AP3B1: variants seen among roughly 807,000 people sequenced by gnomAD.
The protein encoded by AP3B1 is adaptor related protein complex 3 subunit beta 1, also known as AP-3 complex subunit beta-1.
AP3B1 carries 61 observed loss-of-function variants against 132.5 expected under a neutral mutation model. That is an observed-to-expected ratio of 0.46 (90% CI 0.37 to 0.57). AP3B1 has a LOEUF of 0.57. AP3B1 is among the 20% of genes least tolerant of loss of function. The pLI, the probability that AP3B1 is intolerant of heterozygous loss-of-function variation, is 0.00. For missense variants in AP3B1, 1,120 were observed against 1,289.4 expected (o/e 0.87, Z 2.01); for synonymous variants, 388 against 438.3 (o/e 0.89, Z 1.43).
At chr5:78,182,724 T>G (rs1254060906) in intron 7 of AP3B1, among the ~76,000 whole-genome samples, 3 of 152,060 alleles carry the variant, frequency 2.0e-5, no homozygotes, top group African/African-American at 7.2e-5. Context: ...CAACACCAGA[T>G]AAAAAATTAT....
At chr5:78,105,271 A>G (rs1440045789) in intron 20 of AP3B1, among the ~76,000 whole-genome samples, 1 of 105,458 alleles carries the variant, frequency 9.5e-6, no homozygotes, top group Non-Finnish European at 2.5e-5. Context: ...ATAGTGGACT[A>G]ACAACGTAGC....
At chr5:78,278,944 C>A (rs981056279) in intron 1 of AP3B1, among the ~76,000 whole-genome samples, 2 of 152,194 alleles carry the variant, frequency 1.3e-5, no homozygotes, top group East Asian at 1.9e-4. Context: ...ACCCCCACCC[C>A]CTTCCATGGA....
intron 2 of AP3B1, among the ~76,000 whole-genome samples, chr5:78,253,683 T>C (rs1458750802): frequency 1.3e-5 from 2 of 152,106 alleles, no homozygotes; most frequent in Non-Finnish European, 2.9e-5. Flanking sequence ...TTCTATCAGA[T>C]AGGCCAGGCG....
At chr5:78,159,945 T>A (rs1013911677) in intron 13 of AP3B1, among the ~76,000 whole-genome samples, 2 of 152,188 alleles carry the variant, frequency 1.3e-5, no homozygotes, top group African/African-American at 4.8e-5. Flanking sequence ...CTTTAAAAAG[T>A]ACAGTCTACT....
At chr5:78,022,722 G>A (rs934545544) in intron 24 of AP3B1, among the ~76,000 whole-genome samples, 3 of 152,168 alleles carry the variant, frequency 2.0e-5, no homozygotes, top group Non-Finnish European at 4.4e-5. Flanking sequence ...AAACTCCAGT[G>A]GCAGTATGTA....
At chr5:78,221,440 T>C (rs1026376010) in intron 6 of AP3B1, among the ~76,000 whole-genome samples, 1 of 151,982 alleles carries the variant, frequency 6.6e-6, no homozygotes, top group Non-Finnish European at 1.5e-5. Flanking sequence ...ATAGGAAATA[T>C]AAATATAAAT....
At position 78,071,961 on chromosome 5, in the gene AP3B1, A is replaced by C. The variant is rs1035550650; in HGVS notation, c.2577+17432T>G. On this transcript the variant is annotated intron_variant, in intron 22 of 26. Coordinates refer to ENST00000255194, the MANE Select transcript of AP3B1 (RefSeq NM_003664.5). ...CTGAACTGAATGTAAACTTTGATGT[A>C]CTAGTTTATATTTACAAGATATTTT... 3.9e-5 allele frequency among the ~76,000 whole-genome samples: 6 copies of C among 152,340 alleles called. No individual in the cohort carries two copies. In the South Asian group the frequency reaches 1.0e-3, roughly 26 times the overall value.
At chr5:78,224,697 A>G (rs1746331579) in intron 6 of AP3B1, among the ~76,000 whole-genome samples, 1 of 152,046 alleles carries the variant, frequency 6.6e-6, no homozygotes, top group Admixed American at 6.6e-5. Context: ...TAAAAAAGCT[A>G]GAATAGTAGT....
chr5:78,229,291 CA>C (rs1746530783), intron 3 of AP3B1, among the ~76,000 whole-genome samples: 1 of 152,098 alleles, frequency 6.6e-6, no homozygotes, highest in South Asian at 2.1e-4. Flanking sequence ...AAATTATGAA[CA>C]GAAAAAGAAA....
intron 1 of AP3B1, among the ~76,000 whole-genome samples, chr5:78,271,891 GCCCT>G (rs1748559293): frequency 6.6e-6 from 1 of 152,070 alleles, no homozygotes; most frequent in Non-Finnish European, 1.5e-5. Flanking sequence ...TTTTGAACCG[GCCCT>G]GCAAAGCAGC....
At chr5:78,267,638 A>T in intron 1 of AP3B1, 43 bp from the exon 2 acceptor site, 1 of 1,156,814 alleles carries the variant, frequency 8.6e-7, no homozygotes. Flanking sequence ...TTTGATTTTT[A>T]TATTAGATAG....
chr5:78,002,597 GA>G lies in AP3B1; in HGVS notation c.*304del. On this transcript the variant is annotated 3_prime_UTR_variant, in exon 27 of 27. Transcript: ENST00000255194. ...TATCTCATTCATGTCTACCATTGTC[GA>G]AAAAGAGAAGGAAAACGAGGAGGCC... The G allele has an allele frequency of 1.8e-6, 1 of 570,248 alleles. No homozygotes were observed. Among genetic ancestry groups the G allele is most frequent in the Non-Finnish European group, 3.1e-6 (1 of 322,466 alleles). 35.3% of individuals were successfully genotyped at this position (570,248 alleles called of 1,614,324 possible). A position where few individuals can be genotyped will look rare whatever the true frequency, so the allele number is the denominator to read the frequency against.
chr5:78,128,085 T>G lies in AP3B1; in HGVS notation c.1913A>C (p.Asn638Thr). 2 of 1,613,470 alleles carry G rather than the reference T, an allele frequency of 1.2e-6. No individual in the cohort carries two copies. Among genetic ancestry groups the G allele is most frequent in the Non-Finnish European group, 1.7e-6 (2 of 1,179,472 alleles). The change falls in exon 17 of 27, where the codon AAT becomes ACT. Residue 638 changes from asparagine to threonine, a missense_variant. By Grantham distance (65) the Asn-to-Thr change is moderately conservative. Around this residue, in one of 3 missense-constraint regions of AP3B1, gnomAD observed 906 missense variants for 997.1 expected, o/e 0.91. Transcript: ENST00000255194. ...TGGGTCGGGCGCCACCTCTGGCCAA[T>G]TAGATAATTCCAGGTACCCAGTAGC... ...IKATGYLELS[N>T]WPEVAPDPSV...
chr5:78,146,392 C>T (rs150804347), intron 14 of AP3B1, among the ~76,000 whole-genome samples: 227 of 152,306 alleles, frequency 1.5e-3, no homozygotes, highest in African/African-American at 5.0e-3. Flanking sequence ...TCCTCAGATA[C>T]GTTAGATGAG....
Position 78,157,107 on chromosome 5 carries a change from A to T in AP3B1, c.1364-740T>A, listed in dbSNP as rs561359198. On this transcript the variant is annotated intron_variant, in intron 13 of 26. Coordinates refer to ENST00000255194, the MANE Select transcript of AP3B1 (RefSeq NM_003664.5). ...TGGGGGGAGGGCGGGGATATTTGTTATCCTGGATCCCTACTCTGCCAGCCT... is the reference window on the plus strand; with the variant it reads ...TGGGGGGAGGGCGGGGATATTTGTTTTCCTGGATCCCTACTCTGCCAGCCT... Among the ~76,000 whole-genome samples the T allele has an allele frequency of 1.8e-4, 27 of 152,196 alleles. No individual in the cohort carries two copies. The South Asian group carries it at 5.4e-3, about 30-fold the overall frequency.
intron 20 of AP3B1, among the ~76,000 whole-genome samples, chr5:78,107,641 T>C (rs1275815108): frequency 6.6e-6 from 1 of 152,046 alleles, no homozygotes; most frequent in African/African-American, 2.4e-5. Flanking sequence ...TAAATGGAGA[T>C]TGTGAGTTAG....
intron 22 of AP3B1, among the ~76,000 whole-genome samples, chr5:78,039,706 A>G (rs867024199): frequency 6.7e-6 from 1 of 148,264 alleles, no homozygotes. Flanking sequence ...TGAACCCAGG[A>G]GGCGGAGCTT....
intron 22 of AP3B1, among the ~76,000 whole-genome samples, chr5:78,053,738 T>C (rs1267875423): frequency 6.6e-6 from 1 of 151,806 alleles, no homozygotes; most frequent in Non-Finnish European, 1.5e-5. Context: ...CATAACAATT[T>C]GGTGTCCCTT....
intron 22 of AP3B1, among the ~76,000 whole-genome samples, chr5:78,051,655 A>C (rs765473905): frequency 6.6e-5 from 10 of 152,154 alleles, no homozygotes; most frequent in African/African-American, 9.7e-5. Flanking sequence ...ATCCACATTT[A>C]GTTACCCAGT....
Sources: allele counts gnomAD v4.1 joint callset (sites outside exome capture counted in the v4.1 genomes callset), GRCh38; gene constraint gnomAD v4.1.1; regional missense constraint gnomAD v4.1.1; transcripts MANE v1.5; gene names NCBI Gene and HGNC (gene_info 2026-07-23, HGNC 2026-07-21).